KLHL6: variants seen among roughly 807,000 people sequenced by gnomAD.
The protein encoded by KLHL6 is kelch-like protein 6.
A neutral mutation model predicts 58.6 loss-of-function variants in KLHL6; 41 were observed. The ratio of observed to expected loss-of-function variants is 0.70; its 90% confidence interval spans 0.55 to 0.91. KLHL6 has a LOEUF of 0.91. KLHL6 is among the 40% of genes least tolerant of loss of function. The pLI is 0.00. For missense variants in KLHL6, 714 were observed against 805.6 expected, an observed-to-expected ratio of 0.89 and a Z score of 1.38; for synonymous variants, 338 against 322.7, an observed-to-expected ratio of 1.05 and a Z score of -0.51.
chr3:183,540,189 A>T (rs972616125), intron 1 of KLHL6, among the ~76,000 whole-genome samples: 4 of 152,240 alleles, frequency 2.6e-5, no homozygotes, highest in Admixed American at 2.0e-4. Context: ...CTTTGGAATT[A>T]CTGAGAAAGA....
chr3:183,506,191 C>G (rs190090436), intron 3 of KLHL6, among the ~76,000 whole-genome samples: 40 of 152,218 alleles, frequency 2.6e-4, no homozygotes, highest in African/African-American at 8.9e-4. Flanking sequence ...ACAAACTGTC[C>G]CTATATCATT....
chr3:183,528,524 G>A (rs116518754), intron 1 of KLHL6, among the ~76,000 whole-genome samples: 267 of 152,352 alleles, frequency 1.8e-3, no homozygotes, highest in African/African-American at 6.2e-3. Flanking sequence ...TGCAGCTGGA[G>A]CCTTGAATTC....
chr3:183,546,780 G>A (rs1299495132), intron 1 of KLHL6, among the ~76,000 whole-genome samples: 1 of 152,174 alleles, frequency 6.6e-6, no homozygotes, highest in East Asian at 1.9e-4. Context: ...TGCTGGGATC[G>A]GTAGACGTAA....
At chr3:183,496,886 C>T (rs1234292113) in intron 4 of KLHL6, among the ~76,000 whole-genome samples, 2 of 152,192 alleles carry the variant, frequency 1.3e-5, no homozygotes, top group Admixed American at 1.3e-4. Flanking sequence ...ACCTGTAATC[C>T]CAGCCCTCTG....
chr3:183,528,034 G>A, intron 1 of KLHL6, 24 bp from the exon 2 acceptor site: 3 of 1,613,636 alleles, frequency 1.9e-6, no homozygotes, highest in Non-Finnish European at 1.7e-6. Context: ...GTGTGAATGT[G>A]AATCGTGCCG....
At chr3:183,501,185 C>T (rs113654023) in intron 3 of KLHL6, among the ~76,000 whole-genome samples, 4,228 of 152,244 alleles carry the variant, frequency 0.028, 217 homozygotes, top group African/African-American at 0.096. Context: ...AGAACAGTGC[C>T]GGGATAAGGG....
In KLHL6 at chr3:183,491,160, A is replaced by T. The variant is rs952104722; in HGVS notation, c.*767T>A. 19 of 152,142 alleles carry T rather than the reference A, an allele frequency of 1.2e-4. No homozygotes were observed. Among genetic ancestry groups the T allele is most frequent in the Non-Finnish European group, 1.8e-4 (12 of 68,048 alleles). 9.4% of individuals were successfully genotyped at this position (152,142 alleles called of 1,614,324 possible). A position where few individuals can be genotyped will look rare whatever the true frequency, so the allele number is the denominator to read the frequency against. ...GCTTCACTTTTGTTTCCCGGGCTGCAGTGCAGTGTGGCGATCTCGGCTCAC... is the reference window on the plus strand; with the variant it reads ...GCTTCACTTTTGTTTCCCGGGCTGCTGTGCAGTGTGGCGATCTCGGCTCAC... On this transcript the variant is annotated 3_prime_UTR_variant, in exon 7 of 7. Transcript: ENST00000341319.
intron 1 of KLHL6, among the ~76,000 whole-genome samples, chr3:183,546,978 C>T (rs2108697554): frequency 6.8e-6 from 1 of 147,748 alleles, no homozygotes; most frequent in African/African-American, 2.5e-5. Context: ...GTGGCATGAT[C>T]GCAGCTCTCT....
At position 183,491,757 on chromosome 3, in the gene KLHL6, C is replaced by G. The variant is rs1717560917; in HGVS notation, c.*170G>C. 1.9e-6 allele frequency: 1 copy of G among 514,280 alleles called. No homozygotes were observed. Among genetic ancestry groups the G allele is most frequent in the African/African-American group, 1.9e-5 (1 of 51,400 alleles). 31.9% of individuals were successfully genotyped at this position (514,280 alleles called of 1,614,324 possible). On this transcript the variant is annotated 3_prime_UTR_variant, in exon 7 of 7. Transcript: ENST00000341319. ...TCATGCAAACATTCCTGGCCGGTCT[C>G]AAGTGACCCCAAACTGTGACTTCCA...
chr3:183,553,137 A>G (rs966404455), intron 1 of KLHL6, among the ~76,000 whole-genome samples: 2 of 152,196 alleles, frequency 1.3e-5, no homozygotes, highest in African/African-American at 4.8e-5. Flanking sequence ...AGAAGAAGCA[A>G]AAGTCACTTC....
At chr3:183,541,679 A>C (rs1314448199) in intron 1 of KLHL6, among the ~76,000 whole-genome samples, 2 of 152,150 alleles carry the variant, frequency 1.3e-5, no homozygotes, top group African/African-American at 4.8e-5. Flanking sequence ...AAAAAACACA[A>C]AACAACAAAA....
At chr3:183,539,112 C>T (rs1317100816) in intron 1 of KLHL6, among the ~76,000 whole-genome samples, 1 of 152,196 alleles carries the variant, frequency 6.6e-6, no homozygotes, top group African/African-American at 2.4e-5. Flanking sequence ...CTTTGAGAAC[C>T]TCTGCCCTAG....
intron 1 of KLHL6, among the ~76,000 whole-genome samples, chr3:183,550,241 T>C (rs1054498633): frequency 1.3e-5 from 2 of 152,070 alleles, no homozygotes; most frequent in African/African-American, 2.4e-5. Context: ...ATGAGAAAGC[T>C]AGAGACTGTT....
At chr3:183,555,119 T>G (rs1191223966) in intron 1 of KLHL6, among the ~76,000 whole-genome samples, 1 of 151,980 alleles carries the variant, frequency 6.6e-6, no homozygotes, top group Non-Finnish European at 1.5e-5. Flanking sequence ...GAACCGAGAT[T>G]GCGCCATTGC....
At chr3:183,530,754 A>C (rs978025037) in intron 1 of KLHL6, among the ~76,000 whole-genome samples, 3 of 152,152 alleles carry the variant, frequency 2.0e-5, no homozygotes, top group African/African-American at 7.2e-5. Flanking sequence ...GGAAGAGACA[A>C]GACAATTGAA....
At position 183,492,773 on chromosome 3, in the gene KLHL6, C is replaced by T. The variant is rs1577173467; in HGVS notation, c.1351-66G>A. The T allele has an allele frequency of 1.4e-6, 2 of 1,465,228 alleles. No individual in the cohort carries two copies. The highest frequency in any genetic ancestry group is 2.3e-5 in the East Asian group (1 of 44,016). The allele number at this position is 1,465,228 out of a possible 1,614,324, so 90.8% of individuals were successfully genotyped here. On this transcript the variant is annotated intron_variant, in intron 5 of 6. Transcript: ENST00000341319. This position sits in a 1 kb window ranked among gnomAD's most constrained non-coding sequence, Gnocchi z 5.9. ...CTGCCCAGATTGCTGCAGTAGCTCC[C>T]AGGATACAGGACAGAGCTCCGGGAC...
rs143907546 is a variant in KLHL6, at chr3:183,491,093, C to CTTTGTTTTTGTTTTTGTT, written c.*816_*833dup. 22 of 151,744 alleles carry CTTTGTTTTTGTTTTTGTT rather than the reference C, an allele frequency of 1.4e-4. No homozygotes were observed. The highest frequency in any genetic ancestry group is 5.1e-4 in the African/African-American group (21 of 41,316). 9.4% of individuals were successfully genotyped at this position (151,744 alleles called of 1,614,324 possible). The stretch of plus-strand genomic sequence containing the variant: ...CCGAAACAAGAAATGAGCCAGGTTT[C>CTTTGTTTTTGTTTTTGTT]TTTGTTTTTGTTTTTGTTTTTGTTT... On this transcript the variant is annotated 3_prime_UTR_variant, in exon 7 of 7. Transcript: ENST00000341319.
chr3:183,552,735 A>G (rs556794399), intron 1 of KLHL6, among the ~76,000 whole-genome samples: 20 of 151,518 alleles, frequency 1.3e-4, no homozygotes, highest in Admixed American at 7.2e-4. Flanking sequence ...AAAAAAAAAA[A>G]AAAAAAAGAA....
At chr3:183,506,287 A>T (rs1415208069) in intron 3 of KLHL6, among the ~76,000 whole-genome samples, 2 of 152,260 alleles carry the variant, frequency 1.3e-5, no homozygotes, top group Non-Finnish European at 2.9e-5. Flanking sequence ...AACCAGGTAG[A>T]TCCAAATGAC....
Sources: allele counts gnomAD v4.1 joint callset (sites outside exome capture counted in the v4.1 genomes callset), GRCh38; gene constraint gnomAD v4.1.1; non-coding constraint Gnocchi (gnomAD v3.1); transcripts MANE v1.5; gene names NCBI Gene and HGNC (gene_info 2026-07-23, HGNC 2026-07-21).